The following PDE11A variants were observed in gnomAD, a reference collection of about 807,000 sequenced individuals.
The protein encoded by PDE11A is dual 3',5'-cyclic-AMP and -GMP phosphodiesterase 11A.
Under a neutral mutation model 100.5 loss-of-function variants are expected in PDE11A, and 100 were observed. The ratio of observed to expected loss-of-function variants is 1.00; its 90% CI spans 0.85 to 1.18. The LOEUF is 1.18. Ranked by LOEUF, PDE11A falls within the 50% of genes most tolerant of loss-of-function variation. PDE11A has a pLI of 0.00. For synonymous variants in PDE11A, 381 were observed against 420.8 expected, an observed-to-expected ratio of 0.91 and a Z score of 1.16; for missense variants, 1,141 against 1,152.6, an observed-to-expected ratio of 0.99 and a Z score of 0.15.
At chr2:178,024,229 A>G (rs1335751685) in intron 1 of PDE11A, among the ~76,000 whole-genome samples, 1 of 151,990 alleles carries the variant, frequency 6.6e-6, no homozygotes, top group Non-Finnish European at 1.5e-5. Flanking sequence ...CCGGCTAACA[A>G]GCTGAAACCC....
chr2:178,073,074 C>A, upstream of PDE11A: 1 of 985,372 alleles, frequency 1.0e-6, no homozygotes, highest in Non-Finnish European at 1.2e-6. Context: ...AATCCGTTAG[C>A]GTTTCGAGGA....
At position 177,905,154 on chromosome 2, in the gene PDE11A, C is replaced by T. The variant is rs560754146; in HGVS notation, c.1105G>A (p.Ala369Thr). 2.2e-5 allele frequency: 35 copies of T among 1,607,332 alleles called. No individual in the cohort carries two copies. Among genetic ancestry groups the T allele is most frequent in the African/African-American group, 2.1e-4 (16 of 74,886 alleles). ...GCAAAGAGCTGAGCGTTAGATATGG[C>T]GATTCCACAAAATGGAAGATACATC... ...MQMYLPFCGIAISNAQLFAAS... is the reference protein window; with the variant it reads ...MQMYLPFCGITISNAQLFAAS... The change falls in exon 3 of 20, where the codon GCC (alanine) becomes ACC (threonine). Residue 369 changes from alanine to threonine, a missense_variant. Physicochemically the swap from Ala to Thr is moderately conservative, Grantham distance 58 (BLOSUM62 0). Transcript: ENST00000286063.
chr2:177,850,307 G>A (rs1371466765), intron 5 of PDE11A, among the ~76,000 whole-genome samples: 1 of 152,162 alleles, frequency 6.6e-6, no homozygotes. Flanking sequence ...TTTAATAAAT[G>A]GTGCTGGGAA....
At chr2:177,799,408 C>T (rs530131876) in intron 9 of PDE11A, among the ~76,000 whole-genome samples, 1 of 152,248 alleles carries the variant, frequency 6.6e-6, no homozygotes, top group South Asian at 2.1e-4. Flanking sequence ...TATAAGGGAA[C>T]TCTCTGTACT....
At chr2:177,692,781 G>T (rs1438056) in intron 15 of PDE11A, among the ~76,000 whole-genome samples, 103,542 of 151,796 alleles carry the variant, frequency 0.68, 38,634 homozygotes, top group East Asian at 0.82. Context: ...TATGCCATTT[G>T]AATGACATAG....
intron 1 of PDE11A, among the ~76,000 whole-genome samples, chr2:178,044,309 C>A (rs1191709814): frequency 1.2e-5 from 1 of 86,628 alleles, no homozygotes; most frequent in Non-Finnish European, 2.7e-5. Flanking sequence ...AGTGAAGAAT[C>A]CTGATTTTAC....
chr2:177,726,378 TG>T (rs113462459), intron 12 of PDE11A, among the ~76,000 whole-genome samples: 6 of 152,236 alleles, frequency 3.9e-5, no homozygotes, highest in African/African-American at 1.4e-4. Flanking sequence ...GAGTGCAGGG[TG>T]CTGGTGTGAC....
At chr2:178,046,104 A>G (rs1291510206) in intron 1 of PDE11A, among the ~76,000 whole-genome samples, 4 of 152,218 alleles carry the variant, frequency 2.6e-5, no homozygotes, top group African/African-American at 9.6e-5. Context: ...AACGGTGTCT[A>G]TCTCATAGAA....
intron 9 of PDE11A, among the ~76,000 whole-genome samples, chr2:177,791,786 T>G (rs1209581845): frequency 1.3e-5 from 2 of 152,174 alleles, no homozygotes; most frequent in Non-Finnish European, 2.9e-5. Context: ...TTTACTATAT[T>G]TTGTTACCTA....
chr2:177,874,874 A>G (rs2084205548), intron 5 of PDE11A, among the ~76,000 whole-genome samples: 1 of 152,196 alleles, frequency 6.6e-6, no homozygotes, highest in South Asian at 2.1e-4. Flanking sequence ...AACTTACCTA[A>G]ATAACTTGGA....
rs1268121714 is a variant in PDE11A at position 177,725,528 on chromosome 2, C to T, written c.2043+2130G>A. On this transcript the variant is annotated intron_variant, in intron 12 of 19. Transcript: ENST00000286063. ...GAGAAATTTGACAATGAAGTCTCCT[C>T]TTTCTGTGTTAGCATGAATGCAAAA... 3.9e-5 allele frequency among the ~76,000 whole-genome samples: 6 copies of T among 152,270 alleles called. No homozygotes were observed. The East Asian group carries it at 1.2e-3, about 29-fold the overall frequency.
intron 6 of PDE11A, among the ~76,000 whole-genome samples, chr2:177,833,982 A>G (rs939672984): frequency 4.6e-5 from 7 of 152,178 alleles, no homozygotes; most frequent in South Asian, 2.1e-4. Context: ...GCCACCAGAA[A>G]TTCGGGCCTA....
intron 10 of PDE11A, among the ~76,000 whole-genome samples, chr2:177,738,770 T>G (rs1186425430): frequency 1.3e-5 from 2 of 152,140 alleles, no homozygotes; most frequent in Non-Finnish European, 2.9e-5. Context: ...CACACAGGCA[T>G]GAGACAACAA....
chr2:177,729,301 G>A (rs746794751), intron 10 of PDE11A, among the ~76,000 whole-genome samples: 6 of 152,146 alleles, frequency 3.9e-5, no homozygotes, highest in Non-Finnish European at 7.4e-5. Flanking sequence ...TGGGCATTCC[G>A]TCAGTTTCAC....
At chr2:177,696,472 G>C (rs16865643) in intron 15 of PDE11A, among the ~76,000 whole-genome samples, 2,653 of 152,214 alleles carry the variant, frequency 0.017, 73 homozygotes, top group African/African-American at 0.06. Context: ...AGATATCTCA[G>C]AGAAGATGGA....
At position 177,637,902 on chromosome 2, in the gene PDE11A, CATATATACATATATACACAT is replaced by C. The variant is rs1438254623; in HGVS notation, c.2647-8360_2647-8341del. Among the ~76,000 whole-genome samples, 163 of 79,168 alleles carry C rather than the reference CATATATACATATATACACAT, an allele frequency of 2.1e-3. 1 individual carries two copies. The highest frequency in any genetic ancestry group is 7.0e-3 in the South Asian group (15 of 2,156). 51.9% of individuals were successfully genotyped at this position (79,168 alleles called of 152,430 possible). ...CATCTACTATACATATATATATATA[CATATATACATATATACACAT>C]ACATATATACATATATACATATATA... On this transcript the variant is annotated intron_variant, in intron 19 of 19. Coordinates refer to ENST00000286063, the MANE Select transcript of PDE11A (RefSeq NM_016953.4).
intron 7 of PDE11A, 26 bp downstream of exon 7, chr2:177,820,194 G>T (rs13386827): frequency 4.2e-6 from 5 of 1,198,504 alleles, no homozygotes; most frequent in Non-Finnish European, 6.2e-6. Context: ...TATTCAAGAA[G>T]TTTAACTATT....
At chr2:177,796,241 C>T (rs1357240683) in intron 9 of PDE11A, among the ~76,000 whole-genome samples, 1 of 151,912 alleles carries the variant, frequency 6.6e-6, no homozygotes, top group African/African-American at 2.4e-5. Flanking sequence ...CTTTGAAGGG[C>T]TCCACTCTGT....
intron 9 of PDE11A, among the ~76,000 whole-genome samples, chr2:177,787,386 A>G (rs2082553702): frequency 1.3e-5 from 2 of 151,396 alleles, no homozygotes; most frequent in African/African-American, 2.4e-5. Flanking sequence ...CTCCTGAAGG[A>G]AGCACTAAAC....
Sources: gnomAD v4.1 joint callset for allele counts (sites outside exome capture counted in the v4.1 genomes callset) on GRCh38, gnomAD v4.1.1 for gene constraint, MANE v1.5 for transcripts, NCBI Gene and HGNC (gene_info 2026-07-23, HGNC 2026-07-21) for gene names.